The following NAALAD2 variants were observed in gnomAD, a reference collection of about 807,000 sequenced individuals.
NAALAD2 encodes the protein N-acetylated-alpha-linked acidic dipeptidase 2.
Under a neutral mutation model 95.6 loss-of-function variants are expected in NAALAD2, and 89 were observed. The observed-to-expected ratio is 0.93, with a 90% CI of 0.78 to 1.11. The LOEUF (loss-of-function observed/expected upper bound fraction) is 1.11, where lower values mean the gene tolerates loss of function less well. NAALAD2 is among the 50% of genes least tolerant of loss of function. The pLI is 0.00. For missense variants in NAALAD2, 894 were observed against 872.4 expected (o/e 1.02, Z -0.31); for synonymous variants, 264 against 294.4 (o/e 0.90, Z 1.06).
chr11:90,134,916 C>A, intron 1 of NAALAD2, 76 bp downstream of exon 1: 1 of 1,534,566 alleles, frequency 6.5e-7, no homozygotes, highest in Non-Finnish European at 9.0e-7. Flanking sequence ...AATCCTGGAG[C>A]TGGAAGGGAT....
chr11:90,167,050 C>T (rs892025977), intron 11 of NAALAD2, among the ~76,000 whole-genome samples: 4 of 152,308 alleles, frequency 2.6e-5, no homozygotes, highest in Middle Eastern at 3.4e-3. Flanking sequence ...AGCCCTCGCT[C>T]GCTCTCGGCG....
chr11:90,178,539 T>C (rs1030364556), intron 16 of NAALAD2, among the ~76,000 whole-genome samples: 3 of 151,774 alleles, frequency 2.0e-5, no homozygotes, highest in African/African-American at 4.8e-5. Flanking sequence ...GGCATGGTGG[T>C]GGGCGCCTGT....
At chr11:90,148,554 G>A (rs1238656611) in intron 3 of NAALAD2, among the ~76,000 whole-genome samples, 1 of 152,108 alleles carries the variant, frequency 6.6e-6, no homozygotes, top group Admixed American at 6.6e-5. Flanking sequence ...AATCTGAAAA[G>A]GTAAGCATCA....
Position 90,192,879 on chromosome 11 carries a change from T to C in NAALAD2, c.*1132T>C, listed in dbSNP as rs1236351755. ...ATGATTAAAGCTTCAATAAACTTGG[T>C]TGTTCATCTACTTCACCAAAACGAG... On this transcript the variant is annotated 3_prime_UTR_variant, in exon 19 of 19. Coordinates refer to ENST00000534061, the MANE Select transcript of NAALAD2 (RefSeq NM_005467.4). 1.3e-5 allele frequency: 2 copies of C among 152,006 alleles called. No individual in the cohort carries two copies. The highest frequency in any genetic ancestry group is 3.9e-4 in the East Asian group (2 of 5,190). The allele number at this position is 152,006 out of a possible 1,614,324, so 9.4% of individuals were successfully genotyped here.
intron 1 of NAALAD2, chr11:90,135,099 ACTGT>A (rs1259266140): frequency 6.4e-6 from 3 of 471,978 alleles, no homozygotes; most frequent in East Asian, 3.6e-5. Context: ...TACAGCTGTC[ACTGT>A]CTGCAGGGAT....
chr11:90,169,059 A>G (rs1261218371), intron 12 of NAALAD2, 67 bp downstream of exon 12: 2 of 1,090,788 alleles, frequency 1.8e-6, no homozygotes, highest in African/African-American at 3.2e-5. Context: ...AACTTTTATT[A>G]TTGAGTAGAA....
intron 15 of NAALAD2, 112 bp downstream of exon 15, chr11:90,176,174 T>A (rs1168835613): frequency 5.7e-6 from 4 of 704,106 alleles, no homozygotes; most frequent in African/African-American, 5.3e-5. Context: ...CTGGGAAGAG[T>A]TCCCAGGGAT....
chr11:90,157,365 C>A (rs150733352), intron 6 of NAALAD2, among the ~76,000 whole-genome samples: 573 of 152,174 alleles, frequency 3.8e-3, no homozygotes, highest in African/African-American at 0.013. Flanking sequence ...GTCACAGTTC[C>A]AATGAGGTTT....
At position 90,135,015 on chromosome 11, in the gene NAALAD2, T is replaced by A. The variant is rs1240223606; in HGVS notation, c.82+175T>A. 6.3e-6 allele frequency: 4 copies of A among 633,382 alleles called. No individual in the cohort carries two copies. The Admixed American group carries it at 1.1e-4, about 18-fold the overall frequency. The allele number at this position is 633,382 out of a possible 1,614,324, so 39.2% of individuals were successfully genotyped here. A position where few individuals can be genotyped will look rare whatever the true frequency, so the allele number is the denominator to read the frequency against. ...ACTAGAAACCAGATGGAATGTATTTTGGGCTTGCTAATAGATAAAGTGTGC... is the reference window on the plus strand; with the variant it reads ...ACTAGAAACCAGATGGAATGTATTTAGGGCTTGCTAATAGATAAAGTGTGC... On this transcript the variant is annotated intron_variant, in intron 1 of 18. Transcript: ENST00000534061.
At chr11:90,149,203 C>G (rs1395131959) in intron 4 of NAALAD2, 96 bp downstream of exon 4, 1 of 614,804 alleles carries the variant, frequency 1.6e-6, no homozygotes, top group East Asian at 3.0e-5. Flanking sequence ...TTAGGTGAAT[C>G]ATTCATGCGG....
chr11:90,191,871 T>C lies in NAALAD2; in HGVS notation c.*124T>C. 1.4e-6 allele frequency: 1 copy of C among 703,106 alleles called. No homozygotes were observed. The highest frequency in any genetic ancestry group is 2.1e-6 in the Non-Finnish European group (1 of 486,836). 43.6% of individuals were successfully genotyped at this position (703,106 alleles called of 1,614,324 possible). On this transcript the variant is annotated 3_prime_UTR_variant, in exon 19 of 19. Coordinates refer to ENST00000534061, the MANE Select transcript of NAALAD2 (RefSeq NM_005467.4). ...TTCATGTCATGTTTTGATTATAGGC[T>C]TTGGTCTTTTCATCTGCAAAGCCTT...
At position 90,173,939 on chromosome 11, in the gene NAALAD2, T is replaced by TC. The variant is rs767263238; in HGVS notation, c.1502+25dup. ...AGGTAAGTTACTGATATGCACCTTT[T>TC]CTACTGTAGGATAAGTTATGAATTC... On this transcript the variant is annotated intron_variant, in intron 14 of 18. Transcript: ENST00000534061. 74 of 1,455,906 alleles carry TC rather than the reference T, an allele frequency of 5.1e-5. No homozygotes were observed. The African/African-American group carries it at 8.6e-4, about 17-fold the overall frequency. 90.2% of individuals were successfully genotyped at this position (1,455,906 alleles called of 1,614,324 possible).
At chr11:90,173,618 A>G (rs1301201964) in intron 13 of NAALAD2, among the ~76,000 whole-genome samples, 1 of 152,224 alleles carries the variant, frequency 6.6e-6, no homozygotes, top group East Asian at 1.9e-4. Flanking sequence ...GGTAGACATC[A>G]TGAATAAAAA....
upstream of NAALAD2, among the ~76,000 whole-genome samples, chr11:90,134,345 T>G (rs1951403070): frequency 6.6e-6 from 1 of 152,136 alleles, no homozygotes; most frequent in South Asian, 2.1e-4. Flanking sequence ...GCAGAGAATC[T>G]GGAAGAAGAA....
At chr11:90,155,704 TTATTATTGTATGTATGTAATACA>T (rs1952087622) in intron 6 of NAALAD2, among the ~76,000 whole-genome samples, 1 of 42,608 alleles carries the variant, frequency 2.3e-5, no homozygotes, top group African/African-American at 1.5e-4. Context: ...TATGTATGTA[TTATTATTGTATGTATGTAATACA>T]TACATACATA....
intron 1 of NAALAD2, 96 bp downstream of exon 1, chr11:90,134,936 C>A: frequency 1.4e-6 from 2 of 1,385,888 alleles, no homozygotes; most frequent in South Asian, 1.2e-5. Flanking sequence ...TTGGGCTGTG[C>A]GCTAGCCCTG....
intron 15 of NAALAD2, among the ~76,000 whole-genome samples, chr11:90,177,070 C>T (rs577309520): frequency 3.3e-5 from 5 of 152,096 alleles, no homozygotes; most frequent in Admixed American, 6.6e-5. Context: ...TTTAGTGATA[C>T]TAACAGCAGT....
upstream of NAALAD2, among the ~76,000 whole-genome samples, chr11:90,132,497 A>G (rs1428170081): frequency 6.6e-6 from 1 of 152,182 alleles, no homozygotes; most frequent in Non-Finnish European, 1.5e-5. Flanking sequence ...CAAATAGAAA[A>G]AGCCAAGAGT....
chr11:90,143,723 A>T (rs1186992073), intron 2 of NAALAD2, among the ~76,000 whole-genome samples: 1 of 152,188 alleles, frequency 6.6e-6, no homozygotes, highest in Non-Finnish European at 1.5e-5. Flanking sequence ...CAGTTAACAG[A>T]CAATCCCTGA....
Sources: allele counts gnomAD v4.1 joint callset (sites outside exome capture counted in the v4.1 genomes callset), GRCh38; gene constraint gnomAD v4.1.1; transcripts MANE v1.5; gene names NCBI Gene and HGNC (gene_info 2026-07-23, HGNC 2026-07-21).